Variants in GLI2 observed in about 807,000 individuals in gnomAD.
GLI2 encodes the protein transcription activator GLI2.
Under a neutral mutation model 78.9 loss-of-function variants are expected in GLI2, and 22 were observed. That is an observed-to-expected ratio of 0.28 (90% CI 0.20 to 0.40). The LOEUF (loss-of-function observed/expected upper bound fraction) is 0.40. Ranked by LOEUF, GLI2 falls within the 10% of genes least tolerant of loss-of-function variation. The pLI, the probability that GLI2 is intolerant of heterozygous loss-of-function variation, is 1.00. For missense variants in GLI2, 2,097 were observed against 2,213.2 expected, an observed-to-expected ratio of 0.95 and a Z score of 1.05; for synonymous variants, 974 against 963.7, an observed-to-expected ratio of 1.01 and a Z score of -0.20.
intron 2 of GLI2, among the ~76,000 whole-genome samples, chr2:120,861,966 A>T (rs1011135089): frequency 6.6e-6 from 1 of 152,160 alleles, no homozygotes; most frequent in African/African-American, 2.4e-5. Context: ...CTGATTCATT[A>T]TACATCTGAG....
intron 2 of GLI2, among the ~76,000 whole-genome samples, chr2:120,884,366 A>T (rs919010189): frequency 6.6e-6 from 1 of 152,204 alleles, no homozygotes; most frequent in Non-Finnish European, 1.5e-5. Flanking sequence ...CCTTATGGGT[A>T]ATGGGTTTTT....
chr2:120,972,047 C>T lies in GLI2; in HGVS notation c.1166C>T (p.Pro389Leu). The change falls in exon 8 of 14, where the codon CCT becomes CTT. Residue 389 changes from proline to leucine, a missense_variant. Physicochemically the swap from Pro to Leu is moderately conservative, Grantham distance 98. This residue lies in a region of GLI2 where 578 missense variants were observed against 612.0 expected (regional missense o/e 0.94). Transcript: ENST00000361492. ...CCTGAGGGCCTGCGGCCGGCCTCCC[C>T]TCTGGCGCTGACGCAGGTAACCTGC... ...TEPEGLRPASPLALTQEQLAD... is the reference protein window; with the variant it reads ...TEPEGLRPASLLALTQEQLAD... 6.2e-7 allele frequency: 1 copy of T among 1,613,320 alleles called. No homozygotes were observed. The highest frequency in any genetic ancestry group is 8.5e-7 in the Non-Finnish European group (1 of 1,179,964).
chr2:120,852,818 G>C (rs990754484), intron 2 of GLI2, among the ~76,000 whole-genome samples: 6 of 152,184 alleles, frequency 3.9e-5, no homozygotes, highest in Non-Finnish European at 8.8e-5. Flanking sequence ...CCATTCAACA[G>C]GACAGCCAGC....
intron 5 of GLI2, among the ~76,000 whole-genome samples, chr2:120,960,069 G>A (rs928740388): frequency 5.3e-5 from 8 of 152,172 alleles, no homozygotes; most frequent in Non-Finnish European, 8.8e-5. Context: ...ATGCACACAC[G>A]CTGGTTGATT....
At chr2:120,826,038 T>A (rs921782247) in intron 2 of GLI2, among the ~76,000 whole-genome samples, 2 of 152,106 alleles carry the variant, frequency 1.3e-5, no homozygotes, top group Non-Finnish European at 2.9e-5. Flanking sequence ...GGCTGCCTGG[T>A]GACGGCCGCC....
intron 2 of GLI2, among the ~76,000 whole-genome samples, chr2:120,882,231 G>C (rs1381859073): frequency 6.6e-6 from 1 of 152,150 alleles, no homozygotes; most frequent in Non-Finnish European, 1.5e-5. Context: ...AGGAGGCCAG[G>C]TGACATGGAC....
intron 3 of GLI2, among the ~76,000 whole-genome samples, chr2:120,945,957 TCACACACACACACACA>T (rs3223143): frequency 6.0e-5 from 8 of 134,258 alleles, no homozygotes; most frequent in African/African-American, 2.1e-4. Flanking sequence ...CATAACCTTC[TCACACACACACACACA>T]CACACACACA....
At chr2:120,888,369 C>T (rs1327831544) in intron 2 of GLI2, among the ~76,000 whole-genome samples, 1 of 152,240 alleles carries the variant, frequency 6.6e-6, no homozygotes, top group Admixed American at 6.5e-5. Context: ...TCCATGAGTT[C>T]TCTCAATCTC....
chr2:120,903,206 G>A (rs971446568), intron 2 of GLI2, among the ~76,000 whole-genome samples: 9 of 152,102 alleles, frequency 5.9e-5, no homozygotes, highest in African/African-American at 2.2e-4. Flanking sequence ...ACAACATGGT[G>A]AAACACGATC....
At position 120,984,566 on chromosome 2, in the gene GLI2, C is replaced by T. The variant is rs771880068; in HGVS notation, c.1728C>T (p.Ala576=). ...KHVKTVHGPD[A]HVTKKQRNDV... ...TGAAAACGGTCCACGGCCCAGATGC[C>T]CACGTCACCAAGAAGCAGCGCAATG... The change falls in exon 12 of 14, where the codon GCC becomes GCT. Residue 576 remains alanine, a synonymous_variant. Transcript: ENST00000361492. 3 of 1,614,228 alleles carry T rather than the reference C, an allele frequency of 1.9e-6. No individual in the cohort carries two copies. Among genetic ancestry groups the T allele is most frequent in the Non-Finnish European group, 1.7e-6 (2 of 1,180,034 alleles).
chr2:120,846,159 G>A (rs752888832), intron 2 of GLI2, among the ~76,000 whole-genome samples: 17 of 152,172 alleles, frequency 1.1e-4, no homozygotes, highest in East Asian at 1.9e-4. Flanking sequence ...GTTTCTTGCC[G>A]TGGAGTGGCC....
At chr2:120,891,458 C>G (rs905500397) in intron 2 of GLI2, among the ~76,000 whole-genome samples, 2 of 152,188 alleles carry the variant, frequency 1.3e-5, no homozygotes, top group African/African-American at 4.8e-5. Context: ...TAATGTGGAT[C>G]AAACCAGTTC....
chr2:120,924,542 TACACAC>T (rs56852363), intron 2 of GLI2, among the ~76,000 whole-genome samples: 9 of 149,548 alleles, frequency 6.0e-5, no homozygotes, highest in Admixed American at 2.7e-4. Flanking sequence ...CATTTAGAAA[TACACAC>T]ACACACACAC....
intron 3 of GLI2, among the ~76,000 whole-genome samples, chr2:120,943,064 G>C (rs147796641): frequency 6.6e-6 from 1 of 152,230 alleles, no homozygotes; most frequent in African/African-American, 2.4e-5. Context: ...TGCAGGGCCA[G>C]CGTATGAACA....
intron 2 of GLI2, among the ~76,000 whole-genome samples, chr2:120,918,120 C>T (rs923855031): frequency 5.9e-5 from 9 of 152,202 alleles, no homozygotes; most frequent in South Asian, 2.1e-4. Flanking sequence ...TGAGCAGCTC[C>T]GCCGTGGATT....
At chr2:120,844,216 A>G (rs1687010947) in intron 2 of GLI2, among the ~76,000 whole-genome samples, 1 of 152,188 alleles carries the variant, frequency 6.6e-6, no homozygotes. Flanking sequence ...CTCTGTCACA[A>G]CTACTCTCCT....
chr2:120,980,293 G>C (rs1030837852), intron 10 of GLI2, among the ~76,000 whole-genome samples: 10 of 152,108 alleles, frequency 6.6e-5, no homozygotes, highest in African/African-American at 2.4e-4. Flanking sequence ...CACCAACACT[G>C]GTTGTTACCT....
At chr2:120,951,595 CA>C in intron 4 of GLI2, 150 bp downstream of exon 4, 1 of 595,786 alleles carries the variant, frequency 1.7e-6, no homozygotes, top group Non-Finnish European at 3.0e-6. Context: ...TACTTCCAAA[CA>C]ACAAGTTTTT....
intron 2 of GLI2, among the ~76,000 whole-genome samples, chr2:120,815,562 G>A (rs1342238722): frequency 6.6e-6 from 1 of 152,196 alleles, no homozygotes; most frequent in Non-Finnish European, 1.5e-5. Context: ...TGAGCTCTGT[G>A]GTCACGTGCC....
Sources: allele counts gnomAD v4.1 joint callset (sites outside exome capture counted in the v4.1 genomes callset), GRCh38; gene constraint gnomAD v4.1.1; regional missense constraint gnomAD v4.1.1; transcripts MANE v1.5; gene names NCBI Gene and HGNC (gene_info 2026-07-23, HGNC 2026-07-21).